Variants in RYR2 observed in about 807,000 individuals in gnomAD.
RYR2 encodes ryanodine receptor 2.
RYR2 carries 227 observed loss-of-function variants against 601.1 expected under a neutral mutation model. The ratio of observed to expected loss-of-function variants is 0.38; its 90% CI spans 0.34 to 0.42. The LOEUF is 0.42. Among genes scored for constraint, RYR2 ranks in the 10% least tolerant of loss-of-function variants. RYR2 has a pLI of 1.00. For synonymous variants in RYR2, 2,223 were observed against 2,175.1 expected, an observed-to-expected ratio of 1.02 and a Z score of -0.61; for missense variants, 4,646 against 6,156.5, an observed-to-expected ratio of 0.75 and a Z score of 8.21.
chr1:237,763,663 A>G (rs929370060), intron 84 of RYR2, among the ~76,000 whole-genome samples: 1 of 152,200 alleles, frequency 6.6e-6, no homozygotes, highest in African/African-American at 2.4e-5. Flanking sequence ...AGTACTTAGG[A>G]CGCCAACAAG....
At chr1:237,418,959 G>T (rs1315406725) in intron 11 of RYR2, among the ~76,000 whole-genome samples, 2 of 127,404 alleles carry the variant, frequency 1.6e-5, no homozygotes, top group African/African-American at 7.8e-5. Flanking sequence ...AGACTTCTAA[G>T]GCAAACAAAG....
intron 82 of RYR2, among the ~76,000 whole-genome samples, chr1:237,758,405 C>A (rs181147420): frequency 2.0e-5 from 3 of 152,178 alleles, no homozygotes; most frequent in East Asian, 3.9e-4. Context: ...TGAAAAAAAA[C>A]AATGATTGTT....
intron 16 of RYR2, among the ~76,000 whole-genome samples, chr1:237,458,335 A>G (rs1483006774): frequency 6.6e-6 from 1 of 152,196 alleles, no homozygotes; most frequent in Admixed American, 6.5e-5. Flanking sequence ...AGGCTGAGGC[A>G]GGAGAACCAT....
intron 46 of RYR2, among the ~76,000 whole-genome samples, chr1:237,639,756 A>G (rs1416739753): frequency 1.3e-5 from 2 of 152,140 alleles, no homozygotes; most frequent in African/African-American, 2.4e-5. Flanking sequence ...TCATCGACAT[A>G]AGTAAATCCA....
At chr1:237,503,621 G>A in intron 22 of RYR2, 116 bp downstream of exon 22, 1 of 919,692 alleles carries the variant, frequency 1.1e-6, no homozygotes, top group Non-Finnish European at 1.7e-6. Context: ...CAGTTGTACA[G>A]TTGACATGTA....
chr1:237,565,143 T>C lies in RYR2; in HGVS notation c.3215-1424T>C, dbSNP rs71535303. On this transcript the variant is annotated intron_variant, in intron 27 of 104. Coordinates refer to ENST00000366574, the MANE Select transcript of RYR2 (RefSeq NM_001035.3). ...TCTTTCTTTCTTTCTTTCTTTCTTT[T>C]TCTTTCTTTCTTTCTCTTTCTTTCT... Among the ~76,000 whole-genome samples the C allele has an allele frequency of 4.5e-4, 64 of 142,186 alleles. 2 individuals carry two copies. The highest frequency in any genetic ancestry group is 3.5e-3 in the Middle Eastern group (1 of 282). 93.3% of individuals were successfully genotyped at this position (142,186 alleles called of 152,430 possible).
chr1:237,510,111 C>G (rs1665733525), intron 23 of RYR2, among the ~76,000 whole-genome samples: 1 of 152,186 alleles, frequency 6.6e-6, no homozygotes, highest in Non-Finnish European at 1.5e-5. Context: ...TCAAAAGAAG[C>G]TCTGCTGTGA....
intron 32 of RYR2, among the ~76,000 whole-genome samples, chr1:237,592,297 T>C (rs1675291887): frequency 6.6e-6 from 1 of 152,176 alleles, no homozygotes; most frequent in Non-Finnish European, 1.5e-5. Flanking sequence ...TGTAGAGTGA[T>C]CCCATATTTG....
intron 1 of RYR2, among the ~76,000 whole-genome samples, chr1:237,185,657 T>G (rs1233152463): frequency 6.6e-6 from 1 of 152,140 alleles, no homozygotes. Context: ...CATAACCTCC[T>G]GGTCTGGTTG....
At chr1:237,793,176 TA>T (rs1238133283) in intron 94 of RYR2, among the ~76,000 whole-genome samples, 5 of 152,338 alleles carry the variant, frequency 3.3e-5, no homozygotes, top group African/African-American at 1.2e-4. Context: ...GGGCTCAGAG[TA>T]AAAGACTAGA....
At chr1:237,293,087 A>G (rs1413008611) in intron 2 of RYR2, among the ~76,000 whole-genome samples, 1 of 152,140 alleles carries the variant, frequency 6.6e-6, no homozygotes, top group Non-Finnish European at 1.5e-5. Context: ...GCAATTCTCC[A>G]GCAATACTAA....
rs146899712 is a variant in RYR2 at position 237,832,901 on chromosome 1, C to T, written c.*254C>T. The T allele has an allele frequency of 4.9e-5, 17 of 349,794 alleles. No individual in the cohort carries two copies. Among genetic ancestry groups the T allele is most frequent in the African/African-American group, 3.3e-4 (16 of 47,936 alleles). 21.7% of individuals were successfully genotyped at this position (349,794 alleles called of 1,614,324 possible). On this transcript the variant is annotated 3_prime_UTR_variant, in exon 105 of 105. Transcript: ENST00000366574. ...AAGGAATTCTGGAAAGAAAACCATT[C>T]TGGACACTGTCATAACACACATAGA...
chr1:237,792,708 A>G (rs1658611655), intron 94 of RYR2, among the ~76,000 whole-genome samples: 1 of 152,152 alleles, frequency 6.6e-6, no homozygotes, highest in African/African-American at 2.4e-5. Flanking sequence ...GTCTTAAAGT[A>G]GCTTTCTTTC....
chr1:237,330,199 G>A (rs916996343), intron 2 of RYR2, among the ~76,000 whole-genome samples: 6 of 152,152 alleles, frequency 3.9e-5, no homozygotes, highest in Non-Finnish European at 7.3e-5. Context: ...TGTGACTTTG[G>A]AAAAGGAATC....
At chr1:237,757,665 T>C (rs1425613268) in intron 81 of RYR2, 32 bp from the exon 82 acceptor site, 2 of 1,405,200 alleles carry the variant, frequency 1.4e-6, no homozygotes, top group South Asian at 2.3e-5. Flanking sequence ...GGCGAAATGA[T>C]ATAAGGAACA....
At chr1:237,517,819 A>AT (rs993690227) in intron 24 of RYR2, among the ~76,000 whole-genome samples, 25 of 150,384 alleles carry the variant, frequency 1.7e-4, no homozygotes, top group Middle Eastern at 3.4e-3. Context: ...CCACAGCATG[A>AT]TTTTTTTTTT....
chr1:237,176,565 T>C (rs1372713663), intron 1 of RYR2, among the ~76,000 whole-genome samples: 1 of 151,614 alleles, frequency 6.6e-6, no homozygotes, highest in Non-Finnish European at 1.5e-5. Flanking sequence ...GTTTTATTTA[T>C]TTATTTATTT....
Position 237,819,195 on chromosome 1 carries a change from A to G in RYR2, c.14590+3A>G, listed in dbSNP as rs756787746. The G allele has an allele frequency of 3.7e-6, 6 of 1,612,044 alleles. No homozygotes were observed. In the South Asian group the frequency reaches 4.4e-5, roughly 12 times the overall value. On this transcript the variant is annotated splice_donor_region_variant and intron_variant, in intron 101 of 104. Transcript: ENST00000366574. The surrounding 1 kb of genome is among the most constrained non-coding windows in gnomAD (Gnocchi z 4.0). ...CATTCTCTTGGCCATAATACAAGGTAAGTATCCTCCTCACTGAAGCTGATG... is the reference window on the plus strand; with the variant it reads ...CATTCTCTTGGCCATAATACAAGGTGAGTATCCTCCTCACTGAAGCTGATG...
At chr1:237,539,352 C>T (rs368969361) in intron 25 of RYR2, among the ~76,000 whole-genome samples, 3 of 152,308 alleles carry the variant, frequency 2.0e-5, no homozygotes, top group East Asian at 1.9e-4. Flanking sequence ...GATTCCTACA[C>T]GCAACCCTTG....
Sources: gnomAD v4.1 joint callset for allele counts (sites outside exome capture counted in the v4.1 genomes callset) on GRCh38, gnomAD v4.1.1 for gene constraint, Gnocchi (gnomAD v3.1) non-coding constraint, MANE v1.5 for transcripts, NCBI Gene and HGNC (gene_info 2026-07-23, HGNC 2026-07-21) for gene names.